Variants in SPTBN1 observed in about 807,000 individuals in gnomAD.
SPTBN1 encodes the protein spectrin beta, non-erythrocytic 1.
In SPTBN1, 32 loss-of-function variants were observed where a neutral mutation model predicts 266.4. The observed-to-expected ratio is 0.12, with a 90% CI of 0.09 to 0.16. The LOEUF (loss-of-function observed/expected upper bound fraction) is 0.16. Among genes scored for constraint, SPTBN1 ranks in the 10% least tolerant of loss-of-function variants. The pLI is 1.00. For missense variants in SPTBN1, 2,296 were observed against 3,067.1 expected, an observed-to-expected ratio of 0.75 and a Z score of 5.94; for synonymous variants, 1,336 against 1,162.2, an observed-to-expected ratio of 1.15 and a Z score of -3.04.
At chr2:54,593,371 C>T (rs1028982688) in intron 2 of SPTBN1, among the ~76,000 whole-genome samples, 25 of 152,224 alleles carry the variant, frequency 1.6e-4, no homozygotes, top group Admixed American at 1.6e-3. Flanking sequence ...GAGACAGCCT[C>T]ACCACGTTCC....
intron 24 of SPTBN1, 38 bp from the exon 25 acceptor site, chr2:54,648,948 A>C: frequency 6.6e-7 from 1 of 1,521,864 alleles, no homozygotes; most frequent in South Asian, 1.2e-5. Flanking sequence ...TTGACATTTA[A>C]GATCCTTTTT....
At position 54,626,742 on chromosome 2, in the gene SPTBN1, T is replaced by C. The variant is rs1266999416; in HGVS notation, c.1644+508T>C. ...CTCTTTCTTGGTCTTTAAATGGAGA[T>C]TGTACTTACTATCTACCTCATCCAA... On this transcript the variant is annotated intron_variant, in intron 12 of 35. Coordinates refer to ENST00000356805, the MANE Select transcript of SPTBN1 (RefSeq NM_003128.3). This position sits in a 1 kb window ranked among gnomAD's most constrained non-coding sequence, Gnocchi z 4.7. Among the ~76,000 whole-genome samples the C allele has an allele frequency of 6.6e-6, 1 of 152,302 alleles. No homozygotes were observed. The highest frequency in any genetic ancestry group is 6.5e-5 in the Admixed American group (1 of 15,308).
At chr2:54,644,236 A>C in intron 19 of SPTBN1, 87 bp from the exon 20 acceptor site, 12 of 1,511,470 alleles carry the variant, frequency 7.9e-6, no homozygotes, top group Non-Finnish European at 1.1e-5. Context: ...TAAATCACAG[A>C]TCAAATGTCC....
rs567203075 is a variant in SPTBN1, at chr2:54,614,040, C to T, written c.474+1706C>T. The stretch of plus-strand genomic sequence containing the variant: ...TTTGAGTCATTGACTAATTCGCTTC[C>T]TGCCAGTTTGCATATTCCTATAATT... On this transcript the variant is annotated intron_variant, in intron 4 of 35. Transcript: ENST00000356805. Among the ~76,000 whole-genome samples the T allele has an allele frequency of 2.0e-4, 30 of 152,294 alleles. No homozygotes were observed. In the South Asian group the frequency reaches 3.1e-3, roughly 16 times the overall value.
chr2:54,628,052 A>C lies in SPTBN1; in HGVS notation c.1645-45A>C. 2 of 1,560,956 alleles carry C rather than the reference A, an allele frequency of 1.3e-6. No individual in the cohort carries two copies. The highest frequency in any genetic ancestry group is 1.7e-6 in the Non-Finnish European group (2 of 1,152,142). On this transcript the variant is annotated intron_variant, in intron 12 of 35. Transcript: ENST00000356805. The surrounding 1 kb of genome is among the most constrained non-coding windows in gnomAD (Gnocchi z 4.3). ...CGAAAGATGATGTGATGCTGAAGTC[A>C]AGGCTATAGTCACAGATGTCCTTTT...
chr2:54,547,915 G>A (rs62134672), intron 2 of SPTBN1, among the ~76,000 whole-genome samples: 78,096 of 151,910 alleles, frequency 0.51, 20,908 homozygotes, highest in Admixed American at 0.6. Context: ...AGGCCAAGGC[G>A]GGCAGATCAC....
chr2:54,471,525 T>C (rs1333508915), intron 1 of SPTBN1, among the ~76,000 whole-genome samples: 2 of 150,710 alleles, frequency 1.3e-5, no homozygotes, highest in African/African-American at 4.9e-5. Flanking sequence ...CTGATGGGAA[T>C]AAATGGCAGG....
intron 19 of SPTBN1, among the ~76,000 whole-genome samples, chr2:54,643,627 C>T (rs1254193208): frequency 6.6e-6 from 1 of 152,076 alleles, no homozygotes; most frequent in East Asian, 1.9e-4. Context: ...TATGGAGTCC[C>T]CCCCTTCCCC....
chr2:54,465,934 G>A (rs910842815), intron 1 of SPTBN1, among the ~76,000 whole-genome samples: 3 of 152,044 alleles, frequency 2.0e-5, no homozygotes, highest in Non-Finnish European at 4.4e-5. Flanking sequence ...CATTAATTTT[G>A]TATTTTTTCT....
intron 1 of SPTBN1, among the ~76,000 whole-genome samples, chr2:54,498,418 G>T (rs1669083006): frequency 6.6e-6 from 1 of 152,172 alleles, no homozygotes; most frequent in Non-Finnish European, 1.5e-5. Flanking sequence ...GACTACTTGG[G>T]TTCAAATTCC....
intron 1 of SPTBN1, among the ~76,000 whole-genome samples, chr2:54,472,380 A>C (rs2103872821): frequency 6.6e-6 from 1 of 152,290 alleles, no homozygotes; most frequent in East Asian, 1.9e-4. Flanking sequence ...GCTTTTGGAA[A>C]GGAATTATTG....
chr2:54,530,468 G>A (rs1321810228), intron 2 of SPTBN1, among the ~76,000 whole-genome samples: 1 of 127,316 alleles, frequency 7.9e-6, no homozygotes, highest in African/African-American at 3.5e-5. Context: ...ATGCCATTCT[G>A]CTGCCTCAGC....
intron 1 of SPTBN1, among the ~76,000 whole-genome samples, chr2:54,480,552 C>T (rs551479385): frequency 5.9e-5 from 9 of 152,074 alleles, no homozygotes; most frequent in Non-Finnish European, 1.2e-4. Flanking sequence ...TTTTGTAATC[C>T]GAAAGAATTT....
At position 54,460,418 on chromosome 2, in the gene SPTBN1, TTTAGA is replaced by T. The variant is rs1334371629; in HGVS notation, c.-48+3904_-48+3908del. 3.3e-5 allele frequency among the ~76,000 whole-genome samples: 5 copies of T among 152,232 alleles called. 1 individual carries two copies. The highest frequency in any genetic ancestry group is 3.3e-4 in the Admixed American group (5 of 15,292). On this transcript the variant is annotated intron_variant, in intron 1 of 35. Coordinates refer to ENST00000356805, the MANE Select transcript of SPTBN1 (RefSeq NM_003128.3). ...GAAGAGTCCTATATACCATGGTTTA[TTTAGA>T]TTAATCAGTGTTTTAGGTTGTTTTG...
In SPTBN1 at chr2:54,629,869, A is replaced by G. The variant is rs201204714; in HGVS notation, c.2670-23A>G. ...ACCACCAGTGGCCCAGGAGGTGACC[A>G]CCCTGTCAAATTGCCATTTCAGATT... On this transcript the variant is annotated intron_variant, in intron 14 of 35. Transcript: ENST00000356805. The G allele has an allele frequency of 1.4e-5, 22 of 1,613,884 alleles. No homozygotes were observed. In the East Asian group the frequency reaches 4.9e-4, roughly 36 times the overall value.
intron 9 of SPTBN1, among the ~76,000 whole-genome samples, chr2:54,622,721 A>C (rs1678076140): frequency 6.6e-6 from 1 of 152,204 alleles, no homozygotes; most frequent in Admixed American, 6.5e-5. Flanking sequence ...GAGAATTCCA[A>C]GAAATGGTAC....
intron 18 of SPTBN1, 66 bp downstream of exon 18, chr2:54,637,869 C>A: frequency 7.7e-7 from 1 of 1,301,184 alleles, no homozygotes. Flanking sequence ...CAGCATTTAG[C>A]ACAAGAGCCT....
intron 1 of SPTBN1, among the ~76,000 whole-genome samples, chr2:54,478,618 C>G (rs1364619746): frequency 2.6e-5 from 4 of 152,296 alleles, no homozygotes; most frequent in Admixed American, 2.0e-4. Flanking sequence ...GAAACTATTG[C>G]TGTTAACAGA....
chr2:54,486,588 G>A (rs1455158217), intron 1 of SPTBN1, among the ~76,000 whole-genome samples: 1 of 152,100 alleles, frequency 6.6e-6, no homozygotes, highest in Non-Finnish European at 1.5e-5. Flanking sequence ...TACTGTGGAA[G>A]GCAGCAGGGT....
Sources: allele counts gnomAD v4.1 joint callset (sites outside exome capture counted in the v4.1 genomes callset), GRCh38; gene constraint gnomAD v4.1.1; non-coding constraint Gnocchi (gnomAD v3.1); transcripts MANE v1.5; gene names NCBI Gene and HGNC (gene_info 2026-07-23, HGNC 2026-07-21).